SIK3: variants seen among roughly 807,000 people sequenced by gnomAD.
The protein encoded by SIK3 is SIK family kinase 3.
In SIK3, 28 loss-of-function variants were observed where a neutral mutation model predicts 144.2. That is an observed-to-expected ratio of 0.19 (90% CI 0.14 to 0.27). The LOEUF is 0.27. Among genes scored for constraint, SIK3 ranks in the 10% least tolerant of loss-of-function variants. SIK3 has a pLI of 1.00. For synonymous variants in SIK3, 686 were observed against 676.3 expected (o/e 1.01, Z -0.22); for missense variants, 1,319 against 1,776.0 (o/e 0.74, Z 4.62).
rs149666878 is a variant in SIK3, at chr11:116,917,816, GGAA to G, written c.616+9400_616+9402del. Among the ~76,000 whole-genome samples, 20 of 139,858 alleles carry G rather than the reference GGAA, an allele frequency of 1.4e-4. 1 individual carries two copies. Among genetic ancestry groups the G allele is most frequent in the South Asian group, 7.6e-4 (3 of 3,960 alleles). 91.8% of individuals were successfully genotyped at this position (139,858 alleles called of 152,430 possible). ...AGAGGACAAGAGAGGAAGGAAAGAAGGAAGAAGAAGGAAGGAAAGGAAAGGAAA... is the reference window on the plus strand; with the variant it reads ...AGAGGACAAGAGAGGAAGGAAAGAAGGAAGAAGGAAGGAAAGGAAAGGAAA... On this transcript the variant is annotated intron_variant, in intron 4 of 24. Coordinates refer to ENST00000445177, the MANE Select transcript of SIK3 (RefSeq NM_001366686.3).
At chr11:116,927,038 C>G (rs1055917472) in intron 4 of SIK3, among the ~76,000 whole-genome samples, 181 bp downstream of exon 4, 5 of 146,562 alleles carry the variant, frequency 3.4e-5, no homozygotes, top group Admixed American at 1.4e-4. Flanking sequence ...AAAAAAAGGG[C>G]AGGGGAGGGG....
At chr11:117,069,202 T>C (rs1373274871) in intron 1 of SIK3, among the ~76,000 whole-genome samples, 2 of 148,276 alleles carry the variant, frequency 1.3e-5, no homozygotes, top group Non-Finnish European at 3.0e-5. Flanking sequence ...GGGGGGTTTG[T>C]TGTTGTTATT....
At chr11:117,068,655 G>A (rs1159817526) in intron 1 of SIK3, among the ~76,000 whole-genome samples, 1 of 152,218 alleles carries the variant, frequency 6.6e-6, no homozygotes. Flanking sequence ...GCTGAGCCCA[G>A]GAGGCTGAGG....
At position 117,095,177 on chromosome 11, in the gene SIK3, T is replaced by A. The variant is rs985151555; in HGVS notation, c.273+2966A>T. Among the ~76,000 whole-genome samples the A allele has an allele frequency of 2.4e-5, 3 of 125,308 alleles. No homozygotes were observed. The East Asian group carries it at 6.4e-4, about 27-fold the overall frequency. 82.2% of individuals were successfully genotyped at this position (125,308 alleles called of 152,430 possible). On this transcript the variant is annotated intron_variant, in intron 1 of 24. Transcript: ENST00000445177. ...TACTTTAGTCTCTTAGTTCTTGGAA[T>A]GGGTCATGTGTGTTTAAAAAAAAAA...
At chr11:117,025,573 C>T (rs1951972619) in intron 1 of SIK3, among the ~76,000 whole-genome samples, 1 of 151,902 alleles carries the variant, frequency 6.6e-6, no homozygotes, top group South Asian at 2.1e-4. Context: ...AGACCACAGG[C>T]ATGTTTCACC....
chr11:117,098,091 C>A (rs574291527), intron 1 of SIK3, 52 bp downstream of exon 1: 1,520 of 1,330,790 alleles, frequency 1.1e-3, no homozygotes, highest in Non-Finnish European at 1.3e-3. Context: ...GGGGCGCGGA[C>A]CTCTCCCGGC....
intron 1 of SIK3, among the ~76,000 whole-genome samples, chr11:117,072,708 G>T (rs2136007780): frequency 6.6e-6 from 1 of 152,292 alleles, no homozygotes; most frequent in East Asian, 1.9e-4. Context: ...CACAATTAAG[G>T]CAAGAGACAA....
intron 1 of SIK3, among the ~76,000 whole-genome samples, chr11:117,066,505 T>C (rs1954025212): frequency 6.6e-6 from 1 of 150,686 alleles, no homozygotes; most frequent in Non-Finnish European, 1.5e-5. Context: ...TATAAAGAAT[T>C]CTCAATATTC....
At chr11:117,021,925 CT>C in intron 1 of SIK3, among the ~76,000 whole-genome samples, 2 of 32,762 alleles carry the variant, frequency 6.1e-5, no homozygotes, top group East Asian at 1.0e-3. Context: ...GCCTCTGTCT[CT>C]ACAAAAAAAA....
chr11:117,077,896 G>T (rs1167133437), intron 1 of SIK3, among the ~76,000 whole-genome samples: 2 of 152,178 alleles, frequency 1.3e-5, no homozygotes, highest in Non-Finnish European at 2.9e-5. Flanking sequence ...ACCTGTGTGT[G>T]TATGTGTGTA....
intron 1 of SIK3, among the ~76,000 whole-genome samples, chr11:117,057,260 G>A (rs117432935): frequency 0.025 from 3,744 of 152,264 alleles, 85 homozygotes; most frequent in South Asian, 0.11. Flanking sequence ...AGGAAAAAAT[G>A]GAAGACGTAT....
chr11:116,974,316 C>A (rs1949872363), intron 1 of SIK3, among the ~76,000 whole-genome samples: 1 of 152,204 alleles, frequency 6.6e-6, no homozygotes, highest in African/African-American at 2.4e-5. Flanking sequence ...GTTCAAGTAA[C>A]CAGATCGCTT....
At chr11:117,082,094 T>C (rs188774114) in intron 1 of SIK3, among the ~76,000 whole-genome samples, 13 of 152,300 alleles carry the variant, frequency 8.5e-5, no homozygotes, top group East Asian at 3.9e-4. Context: ...GCAATACTTC[T>C]TCACATCCAC....
At chr11:117,042,278 CA>C (rs1321462457) in intron 1 of SIK3, among the ~76,000 whole-genome samples, 1 of 152,200 alleles carries the variant, frequency 6.6e-6, no homozygotes, top group Non-Finnish European at 1.5e-5. Flanking sequence ...TATTTGCAGA[CA>C]GGTCCTATAT....
chr11:116,932,655 G>T (rs1947679385), intron 3 of SIK3, among the ~76,000 whole-genome samples: 1 of 152,120 alleles, frequency 6.6e-6, no homozygotes, highest in Non-Finnish European at 1.5e-5. Flanking sequence ...CCCCTACACA[G>T]TCATGCTTGT....
intron 1 of SIK3, among the ~76,000 whole-genome samples, chr11:116,982,863 G>C (rs1324929558): frequency 7.1e-6 from 1 of 140,054 alleles, no homozygotes; most frequent in Non-Finnish European, 1.5e-5. Context: ...ATAATCGCTT[G>C]AACCCAGGAG....
chr11:116,858,243 A>G lies in SIK3; in HGVS notation c.3222T>C (p.Asp1074=), dbSNP rs1471050061. 6.2e-7 allele frequency: 1 copy of G among 1,613,914 alleles called. No homozygotes were observed. The highest frequency in any genetic ancestry group is 8.5e-7 in the Non-Finnish European group (1 of 1,179,976). ...QELFRHMNQG[D]AGSLAPSLGG... ...CAAGGCTGGGAGCCAGACTCCCCGC[A>G]TCCCCTTGGTTCATGTGCCTGAACA... Residue 1074 remains aspartate, a synonymous_variant, in exon 21 of 25, where the codon GAT becomes GAC. Transcript: ENST00000445177. The surrounding 1 kb of genome is among the most constrained non-coding windows in gnomAD (Gnocchi z 5.4).
chr11:117,076,787 C>T (rs1467878104), intron 1 of SIK3, among the ~76,000 whole-genome samples: 1 of 152,154 alleles, frequency 6.6e-6, no homozygotes, highest in Non-Finnish European at 1.5e-5. Context: ...ATGATCCACC[C>T]GCCTCGGCCT....
chr11:116,860,489 G>A (rs4938315), intron 19 of SIK3, among the ~76,000 whole-genome samples: 128,651 of 152,108 alleles, frequency 0.85, 55,067 homozygotes, highest in African/African-American at 0.89. Context: ...ACTCCCATCT[G>A]TACACCCACA....
Sources: gnomAD v4.1 joint callset for allele counts (sites outside exome capture counted in the v4.1 genomes callset) on GRCh38, gnomAD v4.1.1 for gene constraint, Gnocchi (gnomAD v3.1) non-coding constraint, MANE v1.5 for transcripts, NCBI Gene and HGNC (gene_info 2026-07-23, HGNC 2026-07-21) for gene names.